CPEB2: variants seen among roughly 807,000 people sequenced by gnomAD.
CPEB2 encodes the protein cytoplasmic polyadenylation element binding protein 2.
CPEB2 carries 56 observed loss-of-function variants against 93.6 expected under a neutral mutation model. That is an observed-to-expected ratio of 0.60 (90% CI 0.48 to 0.75). The LOEUF (loss-of-function observed/expected upper bound fraction) is 0.75. CPEB2 is among the 30% of genes least tolerant of loss of function. The pLI, the probability that CPEB2 is intolerant of heterozygous loss-of-function variation, is 0.00. For synonymous variants in CPEB2, 764 were observed against 586.3 expected (o/e 1.30, Z -4.38); for missense variants, 1,579 against 1,395.1 (o/e 1.13, Z -2.10).
Position 15,008,383 on chromosome 4 carries a change from C to T in CPEB2, c.1990C>T (p.Gln664Ter), listed in dbSNP as rs1398072019. The change falls in exon 3 of 12, where the codon CAA becomes TAA. Residue 664 changes from glutamine (Q) to a stop codon, truncating the protein, a stop_gained. Coordinates refer to ENST00000538197, the MANE Select transcript of CPEB2 (RefSeq NM_001177382.2). LOFTEE classifies it high-confidence loss of function. Reference sequence around the variant, plus strand: ...GCCAGCTTGGGGCTCAGATTCACTCCAAGATAGTTGGTGCACTGCAGCCGG... The same window carrying T: ...GCCAGCTTGGGGCTCAGATTCACTCTAAGATAGTTGGTGCACTGCAGCCGG... ...QLPAWGSDSL[Q>*]DSWCTAAGTS... is the part of the protein sequence containing the mutation. 1 of 1,613,680 alleles carries T rather than the reference C, an allele frequency of 6.2e-7. No individual in the cohort carries two copies. The highest frequency in any genetic ancestry group is 8.5e-7 in the Non-Finnish European group (1 of 1,179,846).
In CPEB2 at chr4:15,032,182, C is replaced by G. The variant is rs367956345; in HGVS notation, c.2126-979C>G. On this transcript the variant is annotated intron_variant, in intron 4 of 11. Coordinates refer to ENST00000538197, the MANE Select transcript of CPEB2 (RefSeq NM_001177382.2). ...GCACAGTCATAGCTCACTACATGCT[C>G]AAACTCCTGGGCTCAAGTGATCTTC... Among the ~76,000 whole-genome samples the G allele has an allele frequency of 1.7e-3, 264 of 152,284 alleles. 1 individual carries two copies. The highest frequency in any genetic ancestry group is 2.9e-3 in the Non-Finnish European group (194 of 68,016).
At chr4:15,064,049 T>G (rs918120654) in intron 11 of CPEB2, among the ~76,000 whole-genome samples, 4 of 152,122 alleles carry the variant, frequency 2.6e-5, no homozygotes, top group African/African-American at 9.7e-5. Context: ...CGTGTATAAC[T>G]GCCAACCCAG....
Position 15,003,858 on chromosome 4 carries a change from G to A in CPEB2, c.1185G>A (p.Gln395=). Residue 395 remains glutamine, a synonymous_variant, in exon 1 of 12, where the codon CAG becomes CAA. Coordinates refer to ENST00000538197, the MANE Select transcript of CPEB2 (RefSeq NM_001177382.2). ...CCGCGTCGCCGCCACCCCAGCCCCA[G>A]CAGCCGCCGCCGACCCAGCCGCAGC... ...VQTASPPPQP[Q]QPPPTQPQQQ... 1 of 853,612 alleles carries A rather than the reference G, an allele frequency of 1.2e-6. No individual in the cohort carries two copies. Among genetic ancestry groups the A allele is most frequent in the Non-Finnish European group, 1.5e-6 (1 of 646,888 alleles). The allele number at this position is 853,612 out of a possible 1,614,324, so 52.9% of individuals were successfully genotyped here.
At chr4:15,008,080 C>T (rs1007149806) in intron 2 of CPEB2, among the ~76,000 whole-genome samples, 2 of 151,520 alleles carry the variant, frequency 1.3e-5, no homozygotes, top group Non-Finnish European at 2.9e-5. Flanking sequence ...ACTAATTCAC[C>T]GATTATTTTT....
intron 11 of CPEB2, among the ~76,000 whole-genome samples, chr4:15,065,789 G>T (rs1376949907): frequency 3.3e-5 from 5 of 152,050 alleles, no homozygotes; most frequent in Non-Finnish European, 7.4e-5. Flanking sequence ...GGCTGTTCGG[G>T]TTCTGCCATC....
intron 4 of CPEB2, 23 bp downstream of exon 4, chr4:15,017,301 A>G (rs371070487): frequency 7.1e-6 from 9 of 1,261,598 alleles, no homozygotes; most frequent in African/African-American, 3.0e-5. Context: ...TTAAAAAAAT[A>G]TATGTTTATA....
At chr4:15,015,106 G>T (rs1043716369) in intron 3 of CPEB2, among the ~76,000 whole-genome samples, 2 of 152,048 alleles carry the variant, frequency 1.3e-5, no homozygotes, top group East Asian at 3.9e-4. Context: ...TATAAAGTGT[G>T]ATATCCAGAC....
intron 4 of CPEB2, among the ~76,000 whole-genome samples, chr4:15,023,290 A>G (rs1209063209): frequency 6.6e-6 from 1 of 152,042 alleles, no homozygotes; most frequent in Non-Finnish European, 1.5e-5. Flanking sequence ...AGGCTTATGC[A>G]TTTTAACTAC....
Position 15,025,872 on chromosome 4 carries a change from A to C in CPEB2, c.2126-7289A>C, listed in dbSNP as rs548282287. 8.9e-4 allele frequency among the ~76,000 whole-genome samples: 135 copies of C among 152,158 alleles called. 2 individuals carry two copies. The highest frequency in any genetic ancestry group is 3.1e-3 in the African/African-American group (127 of 41,516). ...AGTTAGTTACCATTCAACCATTCACATTTACAGTTCCCAGAAATTTGATGA... is the reference window on the plus strand; with the variant it reads ...AGTTAGTTACCATTCAACCATTCACCTTTACAGTTCCCAGAAATTTGATGA... On this transcript the variant is annotated intron_variant, in intron 4 of 11. Coordinates refer to ENST00000538197, the MANE Select transcript of CPEB2 (RefSeq NM_001177382.2).
In CPEB2 at chr4:15,002,766, C is replaced by A. The variant is rs772778501; in HGVS notation, c.93C>A (p.Tyr31Ter). The change falls in exon 1 of 12, where the codon TAC becomes TAA. Residue 31 changes from tyrosine (Y) to a stop codon, truncating the protein, a stop_gained. Coordinates refer to ENST00000538197, the MANE Select transcript of CPEB2 (RefSeq NM_001177382.2). LOFTEE classifies it high-confidence loss of function. Reference sequence around the variant, plus strand: ...TCTGCGGCGAGGCGTATGGTCCTTACGCCGTGGGGTCCGTCAACCCGCTGC... The same window carrying A: ...TCTGCGGCGAGGCGTATGGTCCTTAAGCCGTGGGGTCCGTCAACCCGCTGC... The part of the protein sequence containing the change: ...PLFCGEAYGP[Y>*]AVGSVNPLPS... The A allele has an allele frequency of 2.6e-6, 4 of 1,535,592 alleles. No homozygotes were observed. The Admixed American group carries it at 7.8e-5, about 30-fold the overall frequency.
At chr4:15,045,343 T>C (rs1401042976) in intron 6 of CPEB2, among the ~76,000 whole-genome samples, 3 of 152,340 alleles carry the variant, frequency 2.0e-5, no homozygotes, top group African/African-American at 7.2e-5. Flanking sequence ...TCAGTGCTTA[T>C]GTACATAAAT....
intron 11 of CPEB2, among the ~76,000 whole-genome samples, chr4:15,063,381 C>T (rs575008063): frequency 1.4e-5 from 2 of 147,890 alleles, no homozygotes; most frequent in Non-Finnish European, 3.0e-5. Context: ...AAAAAAAAAA[C>T]TAAGAGGAGG....
rs1172183663 is a variant in CPEB2 at position 15,066,929 on chromosome 4, A to G, written c.*549A>G. 2 of 153,544 alleles carry G rather than the reference A, an allele frequency of 1.3e-5. No individual in the cohort carries two copies. Among genetic ancestry groups the G allele is most frequent in the East Asian group, 3.9e-4 (2 of 5,178 alleles). The allele number at this position is 153,544 out of a possible 1,614,324, so 9.5% of individuals were successfully genotyped here. ...AGAAATAATACCTCAAGATAATCTG[A>G]TTTATTAGCTATTTTTAAACATTTT... On this transcript the variant is annotated 3_prime_UTR_variant, in exon 12 of 12. Transcript: ENST00000538197.
intron 5 of CPEB2, among the ~76,000 whole-genome samples, chr4:15,037,892 C>CT (rs1726787375): frequency 6.6e-6 from 1 of 151,794 alleles, no homozygotes; most frequent in African/African-American, 2.4e-5. Flanking sequence ...TAGTTTTTTT[C>CT]TTAATAGGTA....
chr4:15,024,252 A>T (rs1020752413), intron 4 of CPEB2, among the ~76,000 whole-genome samples: 1 of 151,786 alleles, frequency 6.6e-6, no homozygotes, highest in African/African-American at 2.4e-5. Context: ...CCTAATCCCC[A>T]TGTCCTTTCT....
At chr4:15,015,964 T>C (rs534099304) in intron 3 of CPEB2, among the ~76,000 whole-genome samples, 1 of 152,132 alleles carries the variant, frequency 6.6e-6, no homozygotes, top group South Asian at 2.1e-4. Flanking sequence ...GTCCTACAGA[T>C]AACTGAAATC....
Position 15,003,960 on chromosome 4 carries a change from C to A in CPEB2, c.1287C>A (p.Gly429=). Residue 429 remains glycine (G), a synonymous_variant, in exon 1 of 12, where the codon GGC becomes GGA. Transcript: ENST00000538197. Reference sequence around the variant, plus strand: ...GCTCGTCTGCCACCACCCCGGGCGGCGGCAGCGGCGGCTCGCTCAGCGCCA... The same window carrying A: ...GCTCGTCTGCCACCACCCCGGGCGGAGGCAGCGGCGGCTCGCTCAGCGCCA... ...PPGSSATTPG[G]GSGGSLSAMP... The A allele has an allele frequency of 7.5e-7, 1 of 1,325,800 alleles. No homozygotes were observed. Among genetic ancestry groups the A allele is most frequent in the African/African-American group, 1.6e-5 (1 of 63,922 alleles). The allele number at this position is 1,325,800 out of a possible 1,614,324, so 82.1% of individuals were successfully genotyped here. A position where few individuals can be genotyped will look rare whatever the true frequency, so the allele number is the denominator to read the frequency against.
At chr4:15,050,522 A>C (rs1365998952) in intron 6 of CPEB2, among the ~76,000 whole-genome samples, 1 of 152,036 alleles carries the variant, frequency 6.6e-6, no homozygotes. Context: ...TCTTCATTTG[A>C]TCTCTATACG....
At chr4:15,057,806 A>G (rs1481241991) in intron 8 of CPEB2, among the ~76,000 whole-genome samples, 1 of 152,160 alleles carries the variant, frequency 6.6e-6, no homozygotes, top group Non-Finnish European at 1.5e-5. Context: ...AACATGTTTC[A>G]TTCCAGCCTT....
Sources: allele counts gnomAD v4.1 joint callset (sites outside exome capture counted in the v4.1 genomes callset), GRCh38; gene constraint gnomAD v4.1.1; transcripts MANE v1.5; gene names NCBI Gene and HGNC (gene_info 2026-07-23, HGNC 2026-07-21).